The following SCFD1 variants were observed in gnomAD, a reference collection of about 807,000 sequenced individuals.
The protein encoded by SCFD1 is sec1 family domain containing 1.
SCFD1 carries 37 observed loss-of-function variants against 103.2 expected under a neutral mutation model. That is an observed-to-expected ratio of 0.36 (90% CI 0.28 to 0.47). The LOEUF is 0.47. Ranked by LOEUF, SCFD1 falls within the 20% of genes least tolerant of loss-of-function variation. SCFD1 has a pLI of 1.00. For missense variants in SCFD1, 639 were observed against 761.2 expected, an observed-to-expected ratio of 0.84 and a Z score of 1.89; for synonymous variants, 264 against 245.0, an observed-to-expected ratio of 1.08 and a Z score of -0.73.
chr14:30,646,637 A>T (rs182555494), intron 7 of SCFD1, among the ~76,000 whole-genome samples: 1 of 152,278 alleles, frequency 6.6e-6, no homozygotes, highest in African/African-American at 2.4e-5. Flanking sequence ...GCCTCATTGA[A>T]TGAGATAGGG....
At chr14:30,635,086 A>T (rs952987243) in intron 4 of SCFD1, 1 of 392,936 alleles carries the variant, frequency 2.5e-6, no homozygotes, top group African/African-American at 2.1e-5. Context: ...TTGACTGTTG[A>T]ATCAAATTGC....
intron 1 of SCFD1, 164 bp downstream of exon 1, chr14:30,622,563 T>G: frequency 8.0e-7 from 1 of 1,255,330 alleles, no homozygotes; most frequent in East Asian, 2.6e-5. Flanking sequence ...TGCCATTAGC[T>G]TGAGGACTCG....
chr14:30,671,464 T>G (rs1316221106), intron 11 of SCFD1, among the ~76,000 whole-genome samples: 3 of 152,164 alleles, frequency 2.0e-5, no homozygotes, highest in Non-Finnish European at 4.4e-5. Context: ...ACAGAATATT[T>G]TGAAGTTGGC....
chr14:30,683,063 G>T, intron 14 of SCFD1: 2 of 1,375,434 alleles, frequency 1.5e-6, no homozygotes, highest in South Asian at 2.4e-5. Context: ...CCTGACTGGT[G>T]ACCTGTTTTG....
At chr14:30,727,108 T>TATATATATATA (rs1232031018) in intron 23 of SCFD1, among the ~76,000 whole-genome samples, 1 of 152,140 alleles carries the variant, frequency 6.6e-6, no homozygotes, top group East Asian at 1.9e-4. Context: ...TAAGCCCACC[T>TATATATATATA]AGTTATCCTT....
chr14:30,640,442 T>C (rs1885157977), intron 6 of SCFD1, among the ~76,000 whole-genome samples: 1 of 152,168 alleles, frequency 6.6e-6, no homozygotes, highest in Non-Finnish European at 1.5e-5. Context: ...CTTATTTAAG[T>C]TACATATTTT....
chr14:30,703,520 T>G (rs934651304), intron 17 of SCFD1, among the ~76,000 whole-genome samples: 1 of 151,460 alleles, frequency 6.6e-6, no homozygotes, highest in Non-Finnish European at 1.5e-5. Context: ...CTTTTCTTTA[T>G]TTTTCAAATT....
intron 23 of SCFD1, among the ~76,000 whole-genome samples, chr14:30,726,485 A>G (rs1042371678): frequency 9.2e-5 from 14 of 152,204 alleles, no homozygotes; most frequent in Admixed American, 2.6e-4. Flanking sequence ...TTACATTATG[A>G]TTTAGATTGC....
chr14:30,733,259 C>T (rs959962593), intron 23 of SCFD1, among the ~76,000 whole-genome samples: 6 of 152,060 alleles, frequency 3.9e-5, no homozygotes, highest in Admixed American at 1.3e-4. Context: ...CCACTTGCCT[C>T]GGCCTCCCAA....
intron 19 of SCFD1, among the ~76,000 whole-genome samples, chr14:30,712,884 G>GTT (rs1891988235): frequency 6.6e-6 from 1 of 152,078 alleles, no homozygotes; most frequent in Non-Finnish European, 1.5e-5. Context: ...CAACAATGGA[G>GTT]TTTTTCATTT....
At chr14:30,672,664 A>G (rs1888664839) in intron 11 of SCFD1, among the ~76,000 whole-genome samples, 1 of 152,190 alleles carries the variant, frequency 6.6e-6, no homozygotes, top group South Asian at 2.1e-4. Flanking sequence ...ACTTCTGCCT[A>G]AAGTCTATGT....
In SCFD1 at chr14:30,653,484, T is replaced by G; in HGVS notation, c.756-5T>G. ...TATGTAATTTTTTTATATGTATATT[T>G]ACAGCTTCCAGAGGCCCTTATTAGT... On this transcript the variant is annotated splice_region_variant and splice_polypyrimidine_tract_variant and intron_variant, in intron 9 of 24. Coordinates refer to ENST00000458591, the MANE Select transcript of SCFD1 (RefSeq NM_016106.4). 6.3e-7 allele frequency: 1 copy of G among 1,595,894 alleles called. No individual in the cohort carries two copies. The highest frequency in any genetic ancestry group is 1.1e-5 in the South Asian group (1 of 90,164).
Position 30,653,550 on chromosome 14 carries a change from C to T in SCFD1, c.817C>T (p.His273Tyr). The change falls in exon 10 of 25, where the codon CAT becomes TAT. Residue 273 changes from histidine (H) to tyrosine (Y), a missense_variant. His to Tyr is a moderately conservative substitution (Grantham distance 83). Coordinates refer to ENST00000458591, the MANE Select transcript of SCFD1 (RefSeq NM_016106.4). ...CATAGATTTGGCAACTCCTTTACAT[C>T]ATACTTGGACATATCAAGCATTGGT... ...RNIDLATPLH[H>Y]TWTYQALVHD... The T allele has an allele frequency of 6.2e-7, 1 of 1,613,428 alleles. No homozygotes were observed. Among genetic ancestry groups the T allele is most frequent in the Non-Finnish European group, 8.5e-7 (1 of 1,179,486 alleles).
intron 1 of SCFD1, chr14:30,622,611 G>A (rs1276191241): frequency 3.7e-6 from 3 of 803,318 alleles, no homozygotes; most frequent in Non-Finnish European, 3.7e-6. Context: ...CTTCAGCGGT[G>A]GGCGGATTGC....
At chr14:30,646,489 G>A (rs1402639525) in intron 7 of SCFD1, among the ~76,000 whole-genome samples, 2 of 152,002 alleles carry the variant, frequency 1.3e-5, no homozygotes, top group Non-Finnish European at 2.9e-5. Context: ...ATACTTGATC[G>A]TGGTGGATTC....
chr14:30,638,118 T>C lies in SCFD1; in HGVS notation c.313-7T>C, dbSNP rs1165762421. The C allele has an allele frequency of 1.3e-6, 2 of 1,595,062 alleles. No homozygotes were observed. The highest frequency in any genetic ancestry group is 1.7e-6 in the Non-Finnish European group (2 of 1,172,380). ...CTATAAGAATAAAGTTTTCATTGTA[T>C]TGATAGGATCTTCGAAATCAACTAT... On this transcript the variant is annotated splice_polypyrimidine_tract_variant and splice_region_variant and intron_variant, in intron 4 of 24. Coordinates refer to ENST00000458591, the MANE Select transcript of SCFD1 (RefSeq NM_016106.4).
chr14:30,694,008 C>A (rs983523515), intron 14 of SCFD1, among the ~76,000 whole-genome samples: 2 of 151,890 alleles, frequency 1.3e-5, no homozygotes, highest in Admixed American at 1.3e-4. Context: ...ACTACGTTTC[C>A]GTTATCTTAA....
intron 19 of SCFD1, among the ~76,000 whole-genome samples, chr14:30,710,222 C>T (rs1490115462): frequency 2.0e-5 from 3 of 148,102 alleles, no homozygotes; most frequent in Non-Finnish European, 4.4e-5. Flanking sequence ...TTGCAAATAA[C>T]ATACCACTTT....
At chr14:30,670,118 A>G (rs933611615) in intron 10 of SCFD1, 138 bp from the exon 11 acceptor site, 1 of 662,962 alleles carries the variant, frequency 1.5e-6, no homozygotes. Context: ...TTACATTTGT[A>G]TGTAACAAAA....
Sources: gnomAD v4.1 joint callset for allele counts (sites outside exome capture counted in the v4.1 genomes callset) on GRCh38, gnomAD v4.1.1 for gene constraint, MANE v1.5 for transcripts, NCBI Gene and HGNC (gene_info 2026-07-23, HGNC 2026-07-21) for gene names.